PSPH: variants seen among roughly 807,000 people sequenced by gnomAD.
PSPH encodes phosphoserine phosphatase.
Under a neutral mutation model 23.4 loss-of-function variants are expected in PSPH, and 16 were observed. The ratio of observed to expected loss-of-function variants is 0.68; its 90% CI spans 0.46 to 1.04. PSPH has a LOEUF of 1.04. Ranked by LOEUF, PSPH falls within the 50% of genes least tolerant of loss-of-function variation. The pLI is 0.00. For missense variants in PSPH, 223 were observed against 273.7 expected, an observed-to-expected ratio of 0.81 and a Z score of 1.31; for synonymous variants, 68 against 99.7, an observed-to-expected ratio of 0.68 and a Z score of 1.89.
chr7:56,041,407 T>G (rs975518875), intron 1 of PSPH, among the ~76,000 whole-genome samples: 2 of 151,396 alleles, frequency 1.3e-5, no homozygotes, highest in African/African-American at 4.9e-5. Flanking sequence ...GAGATGGGGT[T>G]TCACCATGTT....
chr7:56,041,636 T>C (rs1355499279), intron 1 of PSPH, among the ~76,000 whole-genome samples: 1 of 151,896 alleles, frequency 6.6e-6, no homozygotes, highest in East Asian at 1.9e-4. Context: ...TAGAAACGTG[T>C]GAGTGCGCCG....
chr7:56,031,360 C>T (rs1282411536), intron 3 of PSPH, among the ~76,000 whole-genome samples: 1 of 152,232 alleles, frequency 6.6e-6, no homozygotes, highest in Non-Finnish European at 1.5e-5. Context: ...GTACCCCAAA[C>T]TTCAGCATCA....
chr7:56,015,426 T>G (rs968371456), intron 6 of PSPH, among the ~76,000 whole-genome samples: 9 of 152,134 alleles, frequency 5.9e-5, no homozygotes, highest in Non-Finnish European at 1.3e-4. Flanking sequence ...GGTCTGGAAC[T>G]CCTAGGCTCA....
intron 1 of PSPH, among the ~76,000 whole-genome samples, chr7:56,035,255 T>C (rs767536044): frequency 6.6e-6 from 1 of 151,962 alleles, no homozygotes; most frequent in African/African-American, 2.4e-5. Context: ...GCAGGAGAAT[T>C]GCTTGAACCC....
At chr7:56,024,199 G>A (rs926935698) in intron 3 of PSPH, among the ~76,000 whole-genome samples, 4 of 151,880 alleles carry the variant, frequency 2.6e-5, no homozygotes, top group Non-Finnish European at 5.9e-5. Context: ...ACAAGCGTGA[G>A]CCACCGCGCC....
At chr7:56,021,402 A>G (rs73343758) in intron 3 of PSPH, among the ~76,000 whole-genome samples, 171 bp from the exon 4 acceptor site, 1,042 of 94,852 alleles carry the variant, frequency 0.011, 3 homozygotes, top group African/African-American at 0.071. Flanking sequence ...CCCACACTAC[A>G]CCAGTTTCTT....
chr7:56,031,066 C>CCGGGCGCGGTGG (rs1790918792), intron 3 of PSPH, among the ~76,000 whole-genome samples: 1 of 151,254 alleles, frequency 6.6e-6, no homozygotes, highest in Non-Finnish European at 1.5e-5. Context: ...AAAAAATTAG[C>CCGGGCGCGGTGG]CGGGCGCGGT....
At chr7:56,013,098 C>T (rs1344456877) in intron 7 of PSPH, among the ~76,000 whole-genome samples, 1 of 91,906 alleles carries the variant, frequency 1.1e-5, no homozygotes, top group Non-Finnish European at 2.5e-5. Context: ...CATATATATA[C>T]ATATGTGTGT....
At chr7:56,048,586 C>A (rs1037119229) in intron 1 of PSPH, among the ~76,000 whole-genome samples, 1 of 152,114 alleles carries the variant, frequency 6.6e-6, no homozygotes, top group Non-Finnish European at 1.5e-5. Flanking sequence ...GATGTTTACA[C>A]TGGGGGATCT....
intron 3 of PSPH, among the ~76,000 whole-genome samples, chr7:56,023,990 G>A (rs1021034308): frequency 7.3e-5 from 11 of 150,234 alleles, no homozygotes; most frequent in African/African-American, 2.0e-4. Flanking sequence ...GCAGTGGCGC[G>A]ATCTCCGCTC....
At chr7:56,031,148 T>C (rs1204853775) in intron 3 of PSPH, among the ~76,000 whole-genome samples, 2 of 151,446 alleles carry the variant, frequency 1.3e-5, no homozygotes, top group African/African-American at 4.9e-5. Flanking sequence ...GAAGCGGAGC[T>C]TGCAGTGAGC....
At chr7:56,024,723 G>A (rs1264522624) in intron 3 of PSPH, among the ~76,000 whole-genome samples, 1 of 151,852 alleles carries the variant, frequency 6.6e-6, no homozygotes, top group Non-Finnish European at 1.5e-5. Context: ...ACTGCAGCCT[G>A]GGTGACAGAG....
At chr7:56,016,921 C>T (rs1456324919) in intron 6 of PSPH, among the ~76,000 whole-genome samples, 1 of 152,064 alleles carries the variant, frequency 6.6e-6, no homozygotes, top group Non-Finnish European at 1.5e-5. Context: ...TGCATAGAAG[C>T]TCCCATAAAG....
Position 56,048,106 on chromosome 7 carries a change from C to A in PSPH, c.-292+3032G>T, listed in dbSNP as rs370183861. On this transcript the variant is annotated intron_variant, in intron 1 of 7. Transcript: ENST00000275605. The stretch of plus-strand genomic sequence containing the variant: ...CCAGCCTGGCTAACATGGTGAAACC[C>A]CATTTCTACTAAAAGTACAAAAATT... Among the ~76,000 whole-genome samples, 1,100 of 152,094 alleles carry A rather than the reference C, an allele frequency of 7.2e-3. 10 individuals carry two copies. The highest frequency in any genetic ancestry group is 0.024 in the African/African-American group (999 of 41,548).
chr7:56,024,059 C>A (rs1375095940), intron 3 of PSPH, among the ~76,000 whole-genome samples: 1 of 152,048 alleles, frequency 6.6e-6, no homozygotes, highest in Non-Finnish European at 1.5e-5. Flanking sequence ...CTCTAAGTAG[C>A]TGGGACTACA....
chr7:56,027,926 G>A (rs368957114), intron 3 of PSPH, among the ~76,000 whole-genome samples: 1 of 149,902 alleles, frequency 6.7e-6, no homozygotes, highest in Non-Finnish European at 1.5e-5. Context: ...GGGCATGGTG[G>A]TGCATGCCTG....
At chr7:56,021,392 C>T (rs1366164463) in intron 3 of PSPH, among the ~76,000 whole-genome samples, 161 bp from the exon 4 acceptor site, 4 of 81,636 alleles carry the variant, frequency 4.9e-5, no homozygotes, top group African/African-American at 1.6e-4. Flanking sequence ...TTGTTTACTT[C>T]CCACACTACA....
At chr7:56,018,146 C>G (rs1454662842) in intron 5 of PSPH, among the ~76,000 whole-genome samples, 1 of 151,898 alleles carries the variant, frequency 6.6e-6, no homozygotes, top group Admixed American at 6.6e-5. Context: ...GCATTCGAGA[C>G]CAGCCTGACC....
rs777006943 is a variant in PSPH, at chr7:56,021,104, T to C, written c.109A>G (p.Ile37Val). 3.7e-6 allele frequency: 6 copies of C among 1,614,090 alleles called. No homozygotes were observed. The East Asian group carries it at 1.1e-4, about 30-fold the overall frequency. Residue 37 changes from isoleucine to valine, a missense_variant, in exon 4 of 8, where the codon ATC (isoleucine) becomes GTC (valine). Ile to Val is a conservative substitution (Grantham distance 29). Coordinates refer to ENST00000275605, the MANE Select transcript of PSPH (RefSeq NM_004577.4). ...REEGIDELAK[I>V]CGVEDAVSEM... The stretch of plus-strand genomic sequence containing the variant: ...GACACCGCGTCCTCAACGCCACAGA[T>C]TTTGGCTAGCTCATCGATTCCTTCT...
Sources: allele counts gnomAD v4.1 joint callset (sites outside exome capture counted in the v4.1 genomes callset), GRCh38; gene constraint gnomAD v4.1.1; transcripts MANE v1.5; gene names NCBI Gene and HGNC (gene_info 2026-07-23, HGNC 2026-07-21).